The following PARVB variants were observed in gnomAD, a reference collection of about 807,000 sequenced individuals.
PARVB encodes parvin beta.
Under a neutral mutation model 47.0 loss-of-function variants are expected in PARVB, and 46 were observed. The ratio of observed to expected loss-of-function variants is 0.98; its 90% confidence interval spans 0.77 to 1.25. The LOEUF is 1.25. PARVB is among the 50% of genes most tolerant of loss of function. The pLI is 0.00. For missense variants in PARVB, 473 were observed against 471.6 expected (o/e 1.00, Z -0.03); for synonymous variants, 196 against 196.3 (o/e 1.00, Z 0.01).
intron 1 of PARVB, among the ~76,000 whole-genome samples, chr22:44,063,500 T>C (rs539301447): frequency 4.1e-4 from 63 of 152,296 alleles, no homozygotes; most frequent in Non-Finnish European, 6.6e-4. Flanking sequence ...GTACTGGGAT[T>C]ACAGGCGTGA....
At chr22:44,026,858 C>G in intron 1 of PARVB, among the ~76,000 whole-genome samples, 1 of 151,854 alleles carries the variant, frequency 6.6e-6, no homozygotes, top group South Asian at 2.1e-4. Flanking sequence ...AAGGGGCGGG[C>G]TCATCGGTGA....
At chr22:44,013,985 T>C (rs1441595233) in intron 2 of PARVB, among the ~76,000 whole-genome samples, 1 of 152,168 alleles carries the variant, frequency 6.6e-6, no homozygotes, top group African/African-American at 2.4e-5. Context: ...GAGGCTAATG[T>C]GGGTGGATAG....
exon 2 of PARVB, chr22:43,999,671 G>T (rs1456553839): frequency 6.2e-7 from 1 of 1,612,554 alleles, no homozygotes. Flanking sequence ...GCTCAAGGAG[G>T]AGGTAAGTTT....
intron 3 of PARVB, chr22:44,114,200 A>G (rs1401529867): frequency 8.7e-6 from 1 of 114,912 alleles, no homozygotes; most frequent in African/African-American, 3.7e-5. Flanking sequence ...CCCTGCACCA[A>G]CACAGATACA....
chr22:44,140,655 C>T (rs1157405483), intron 8 of PARVB: 2 of 512,092 alleles, frequency 3.9e-6, no homozygotes, highest in Non-Finnish European at 7.8e-6. Flanking sequence ...CCCTTCCTCT[C>T]TCTGCTCCTC....
intron 9 of PARVB, chr22:44,151,233 C>T (rs2272939): frequency 0.085 from 37,007 of 437,186 alleles, 2,870 homozygotes; most frequent in South Asian, 0.26. Context: ...CATGCGTGCA[C>T]GGATTGGCAT....
intron 2 of PARVB, among the ~76,000 whole-genome samples, chr22:44,004,813 C>T (rs557865387): frequency 2.0e-5 from 3 of 152,316 alleles, no homozygotes; most frequent in South Asian, 2.1e-4. Flanking sequence ...TGCAACACAA[C>T]GTCCGGTTTG....
At chr22:44,094,847 C>A (rs948693591) in intron 2 of PARVB, among the ~76,000 whole-genome samples, 2 of 151,720 alleles carry the variant, frequency 1.3e-5, no homozygotes, top group African/African-American at 4.8e-5. Flanking sequence ...GTGAACAGGC[C>A]TAGGCCTGGC....
At chr22:44,124,351 C>G (rs752600742) in intron 4 of PARVB, among the ~76,000 whole-genome samples, 31 of 152,236 alleles carry the variant, frequency 2.0e-4, no homozygotes, top group Admixed American at 1.1e-3. Flanking sequence ...TCTTAAAGGT[C>G]AGCATGAGAT....
intron 5 of PARVB, 62 bp from the exon 6 acceptor site, chr22:44,132,832 C>G: frequency 5.5e-6 from 6 of 1,086,534 alleles, no homozygotes; most frequent in Non-Finnish European, 8.5e-6. Flanking sequence ...GCCTTCTGCA[C>G]GTGGGCTCAG....
At chr22:44,133,033 C>A in intron 6 of PARVB, 24 bp downstream of exon 6, 2 of 1,514,810 alleles carry the variant, frequency 1.3e-6, no homozygotes, top group South Asian at 2.3e-5. Context: ...AGTGGTCGGC[C>A]TGCCTGTAAC....
At chr22:44,041,821 G>T (rs1041394648) in intron 1 of PARVB, among the ~76,000 whole-genome samples, 1 of 152,152 alleles carries the variant, frequency 6.6e-6, no homozygotes, top group African/African-American at 2.4e-5. Context: ...GAAGGCTGAG[G>T]CTGCAGTGAG....
intron 3 of PARVB, among the ~76,000 whole-genome samples, chr22:44,101,704 C>T (rs968346160): frequency 1.3e-5 from 2 of 150,956 alleles, no homozygotes; most frequent in Admixed American, 6.6e-5. Context: ...GCCGAGATCT[C>T]GCCACTGCAC....
At chr22:44,090,815 C>A (rs2052149006) in intron 1 of PARVB, among the ~76,000 whole-genome samples, 1 of 152,222 alleles carries the variant, frequency 6.6e-6, no homozygotes, top group Non-Finnish European at 1.5e-5. Context: ...TCCTATGATG[C>A]CAGCCAGGAC....
intron 3 of PARVB, among the ~76,000 whole-genome samples, chr22:44,101,042 T>C (rs1021213535): frequency 6.6e-6 from 1 of 152,224 alleles, no homozygotes; most frequent in Non-Finnish European, 1.5e-5. Context: ...GACCCAATGC[T>C]GGGCTGTACA....
At chr22:44,135,368 C>G (rs1335607518) in intron 6 of PARVB, among the ~76,000 whole-genome samples, 2 of 152,176 alleles carry the variant, frequency 1.3e-5, no homozygotes. Flanking sequence ...AACTGATTCT[C>G]CTGCCTCAGC....
intron 10 of PARVB, among the ~76,000 whole-genome samples, chr22:44,156,551 A>G (rs966586902): frequency 6.6e-6 from 1 of 152,206 alleles, no homozygotes; most frequent in Non-Finnish European, 1.5e-5. Context: ...TGCTAGGATT[A>G]CAGGCGTGAG....
intron 12 of PARVB, among the ~76,000 whole-genome samples, chr22:44,164,847 T>TCCTG (rs2054132193): frequency 6.6e-6 from 1 of 152,238 alleles, no homozygotes; most frequent in African/African-American, 2.4e-5. Context: ...AGAAAATGGA[T>TCCTG]CCTGTCCCTT....
At chr22:44,065,802 T>A (rs1003855816) in intron 1 of PARVB, among the ~76,000 whole-genome samples, 11 of 152,090 alleles carry the variant, frequency 7.2e-5, no homozygotes, top group African/African-American at 2.7e-4. Context: ...ACTGCGAATA[T>A]CATTATTTTG....
Sources: allele counts gnomAD v4.1 joint callset (sites outside exome capture counted in the v4.1 genomes callset), GRCh38; gene constraint gnomAD v4.1.1; transcripts MANE v1.5; gene names NCBI Gene and HGNC (gene_info 2026-07-23, HGNC 2026-07-21).